The following PREX2 variants were observed in gnomAD, a reference collection of about 807,000 sequenced individuals.
The protein encoded by PREX2 is phosphatidylinositol-3,4,5-trisphosphate dependent Rac exchange factor 2, also known as phosphatidylinositol 3,4,5-trisphosphate-dependent Rac exchanger 2 protein.
A neutral mutation model predicts 203.2 loss-of-function variants in PREX2; 107 were observed. The ratio of observed to expected loss-of-function variants is 0.53; its 90% confidence interval spans 0.45 to 0.62. The LOEUF (loss-of-function observed/expected upper bound fraction) is 0.62, where lower values mean the gene tolerates loss of function less well. Ranked by LOEUF, PREX2 falls within the 20% of genes least tolerant of loss-of-function variation. PREX2 has a pLI of 0.00. For missense variants in PREX2, 1,777 were observed against 1,955.9 expected, an observed-to-expected ratio of 0.91 and a Z score of 1.72; for synonymous variants, 672 against 663.6, an observed-to-expected ratio of 1.01 and a Z score of -0.19.
chr8:68,178,298 G>A (rs1812021243), intron 35 of PREX2, among the ~76,000 whole-genome samples: 2 of 151,958 alleles, frequency 1.3e-5, no homozygotes, highest in African/African-American at 2.4e-5. Context: ...GTTATTTTTT[G>A]ACTTTTTAAT....
chr8:68,077,518 G>A, intron 15 of PREX2, 49 bp downstream of exon 15: 2 of 1,356,134 alleles, frequency 1.5e-6, no homozygotes, highest in African/African-American at 1.4e-5. Context: ...CATCACGTTG[G>A]TTCTTAGGAT....
Position 68,231,354 on chromosome 8 carries a change from A to C in PREX2, c.4797A>C (p.Pro1599=). The change falls in exon 40 of 40, where the codon CCA becomes CCC. Residue 1599 remains proline (P), a synonymous_variant. Transcript: ENST00000288368. ...SAPRLYKLCE[P]PPPAGEE Reference sequence around the variant, plus strand: ...CTAGGCTGTACAAGCTGTGCGAGCCACCTCCCCCAGCTGGAGAAGAATGAA... The same window carrying C: ...CTAGGCTGTACAAGCTGTGCGAGCCCCCTCCCCCAGCTGGAGAAGAATGAA... 1 of 1,598,640 alleles carries C rather than the reference A, an allele frequency of 6.3e-7. No homozygotes were observed. Among genetic ancestry groups the C allele is most frequent in the Non-Finnish European group, 8.5e-7 (1 of 1,173,604 alleles).
At chr8:68,050,312 G>T (rs552555005) in intron 8 of PREX2, among the ~76,000 whole-genome samples, 1 of 151,836 alleles carries the variant, frequency 6.6e-6, no homozygotes, top group Non-Finnish European at 1.5e-5. Context: ...CTGGATGACG[G>T]TTCTGTGGGC....
At chr8:68,110,081 C>T (rs140225197) in intron 25 of PREX2, among the ~76,000 whole-genome samples, 48 of 152,094 alleles carry the variant, frequency 3.2e-4, no homozygotes, top group Middle Eastern at 3.4e-3. Flanking sequence ...ATCTCTAGGA[C>T]GAATTTTTTT....
intron 9 of PREX2, among the ~76,000 whole-genome samples, chr8:68,055,523 G>A (rs998243069): frequency 2.0e-5 from 3 of 152,176 alleles, no homozygotes; most frequent in East Asian, 1.9e-4. Flanking sequence ...CTAACTCTGA[G>A]CAAGGGTGCC....
At position 68,068,878 on chromosome 8, in the gene PREX2, A is replaced by T. The variant is rs1809100467; in HGVS notation, c.1340-155A>T. On this transcript the variant is annotated intron_variant, in intron 11 of 39. Coordinates refer to ENST00000288368, the MANE Select transcript of PREX2 (RefSeq NM_024870.4). ...TATTATCATGAATCTTGCTGTTAAA[A>T]TACTCAATTGGTATTGCTGTGTTAG... is the stretch of plus-strand genomic sequence containing the variant. Among the ~76,000 whole-genome samples the T allele has an allele frequency of 2.0e-5, 3 of 152,096 alleles. 1 individual carries two copies. In the South Asian group the frequency reaches 6.2e-4, roughly 31 times the overall value.
intron 11 of PREX2, among the ~76,000 whole-genome samples, chr8:68,062,229 C>T (rs78840469): frequency 0.011 from 1,629 of 152,164 alleles, 15 homozygotes; most frequent in Non-Finnish European, 0.016. Flanking sequence ...TTTTTCTAGT[C>T]GCCGTCATCT....
chr8:68,073,573 T>C (rs1450591307), intron 14 of PREX2, among the ~76,000 whole-genome samples: 1 of 152,206 alleles, frequency 6.6e-6, no homozygotes, highest in Non-Finnish European at 1.5e-5. Flanking sequence ...TATTTTTATA[T>C]TTCATAGCAC....
chr8:68,069,287 A>G (rs1809119117), intron 12 of PREX2, 151 bp downstream of exon 12: 1 of 550,582 alleles, frequency 1.8e-6, no homozygotes, highest in South Asian at 2.5e-5. Context: ...TATTTTTGGT[A>G]TTTCAAGAAT....
chr8:68,019,502 A>C (rs1038611054), intron 2 of PREX2, 47 bp from the exon 3 acceptor site: 1 of 1,536,578 alleles, frequency 6.5e-7, no homozygotes, highest in Non-Finnish European at 8.8e-7. Context: ...TAGACTTAAA[A>C]AAATTGCTTC....
chr8:68,069,254 A>T (rs1251853358), intron 12 of PREX2, 118 bp downstream of exon 12: 1 of 597,716 alleles, frequency 1.7e-6, no homozygotes, highest in African/African-American at 2.0e-5. Context: ...CTTCGACTAT[A>T]TATACAAGCA....
At chr8:68,061,238 C>A (rs1378278800) in intron 11 of PREX2, among the ~76,000 whole-genome samples, 1 of 152,172 alleles carries the variant, frequency 6.6e-6, no homozygotes, top group Non-Finnish European at 1.5e-5. Context: ...CGGCACAGAG[C>A]CTCACGTGGG....
intron 1 of PREX2, among the ~76,000 whole-genome samples, chr8:67,977,360 G>GCAGC (rs1007220926): frequency 1.3e-5 from 2 of 152,188 alleles, no homozygotes; most frequent in African/African-American, 4.8e-5. Flanking sequence ...ATTTGTTTTA[G>GCAGC]CAGCCTGAAC....
At chr8:68,146,377 T>C in intron 34 of PREX2, 25 bp downstream of exon 34, 1 of 1,561,756 alleles carries the variant, frequency 6.4e-7, no homozygotes, top group Non-Finnish European at 8.7e-7. Flanking sequence ...TTTTGATGGC[T>C]GCTATACTTT....
Position 67,952,270 on chromosome 8 carries a change from G to C in PREX2, c.-125G>C, listed in dbSNP as rs1805361790. On this transcript the variant is annotated 5_prime_UTR_variant, in exon 1 of 40. Transcript: ENST00000288368. ...CTCTCCCCAGCATGTAAAGTCTTCT[G>C]TCTCTCCTCGGAGTTGGCGGAGGCG... 9.1e-6 allele frequency: 7 copies of C among 769,892 alleles called. No homozygotes were observed. The highest frequency in any genetic ancestry group is 1.1e-5 in the Non-Finnish European group (6 of 557,734). The allele number at this position is 769,892 out of a possible 1,614,324, so 47.7% of individuals were successfully genotyped here. A position where few individuals can be genotyped will look rare whatever the true frequency, so the allele number is the denominator to read the frequency against.
At chr8:68,221,013 T>C (rs1447157133) in intron 38 of PREX2, among the ~76,000 whole-genome samples, 1 of 152,140 alleles carries the variant, frequency 6.6e-6, no homozygotes, top group African/African-American at 2.4e-5. Flanking sequence ...CCTATCCCCC[T>C]TCCTTCCTCT....
chr8:67,976,914 C>G (rs1049030210), intron 1 of PREX2, among the ~76,000 whole-genome samples: 2 of 152,162 alleles, frequency 1.3e-5, no homozygotes, highest in African/African-American at 4.8e-5. Context: ...GCCACCCCAG[C>G]TGGTAGCACA....
rs1344555495 is a variant in PREX2, at chr8:68,234,535, A to G, written c.*3157A>G. The G allele has an allele frequency of 6.6e-6, 1 of 152,190 alleles. No homozygotes were observed. The highest frequency in any genetic ancestry group is 1.5e-5 in the Non-Finnish European group (1 of 68,038). The allele number at this position is 152,190 out of a possible 1,614,324, so 9.4% of individuals were successfully genotyped here. ...CAAATATTACAAAATTTAATGTGAT[A>G]TTAAAGTATGAAAAATTTGAGAAGA... On this transcript the variant is annotated 3_prime_UTR_variant, in exon 40 of 40. Transcript: ENST00000288368.
intron 10 of PREX2, 67 bp from the exon 11 acceptor site, chr8:68,060,612 A>G (rs551350178): frequency 1.1e-5 from 10 of 950,062 alleles, no homozygotes; most frequent in African/African-American, 5.0e-5. Flanking sequence ...TCATGACTGG[A>G]TGGTATAGAA....
Sources: allele counts gnomAD v4.1 joint callset (sites outside exome capture counted in the v4.1 genomes callset), GRCh38; gene constraint gnomAD v4.1.1; transcripts MANE v1.5; gene names NCBI Gene and HGNC (gene_info 2026-07-23, HGNC 2026-07-21).